The following PGAP1 variants were observed in gnomAD, a reference collection of about 807,000 sequenced individuals.
PGAP1 encodes post-GPI attachment to proteins inositol deacylase 1, also known as GPI inositol-deacylase.
Under a neutral mutation model 127.0 loss-of-function variants are expected in PGAP1, and 76 were observed. That is an observed-to-expected ratio of 0.60 (90% CI 0.50 to 0.72). PGAP1 has a LOEUF of 0.72. Ranked by LOEUF, PGAP1 falls within the 30% of genes least tolerant of loss-of-function variation. The probability of loss-of-function intolerance (pLI) is 0.00; values close to 1 mark genes in which losing one functional copy is unlikely to be tolerated. For missense variants in PGAP1, 982 were observed against 1,071.3 expected (o/e 0.92, Z 1.16); for synonymous variants, 362 against 366.5 (o/e 0.99, Z 0.14).
Position 196,838,583 on chromosome 2 carries a change from C to T in PGAP1, c.*2651G>A, listed in dbSNP as rs895922592. On this transcript the variant is annotated 3_prime_UTR_variant, in exon 27 of 27. Coordinates refer to ENST00000354764, the MANE Select transcript of PGAP1 (RefSeq NM_024989.4). Reference sequence around the variant, plus strand: ...GTCTGTATATATACACATATAATGGCTAAAGACCCAACCTACTATTGATTA... The same window carrying T: ...GTCTGTATATATACACATATAATGGTTAAAGACCCAACCTACTATTGATTA... 1 of 152,158 alleles carries T rather than the reference C, an allele frequency of 6.6e-6. No individual in the cohort carries two copies. The highest frequency in any genetic ancestry group is 1.5e-5 in the Non-Finnish European group (1 of 68,042). The allele number at this position is 152,158 out of a possible 1,614,324, so 9.4% of individuals were successfully genotyped here.
intron 3 of PGAP1, among the ~76,000 whole-genome samples, 156 bp downstream of exon 3, chr2:196,916,262 C>T (rs1023048739): frequency 7.9e-5 from 12 of 152,130 alleles, no homozygotes; most frequent in African/African-American, 2.7e-4. Flanking sequence ...AAAACCATTA[C>T]GGAGGCCAAG....
chr2:196,844,676 A>C (rs940134383), intron 23 of PGAP1, 102 bp from the exon 24 acceptor site: 9 of 760,288 alleles, frequency 1.2e-5, no homozygotes, highest in Admixed American at 3.5e-5. Flanking sequence ...TGAAATGTTT[A>C]AAATGTAAAC....
In PGAP1 at chr2:196,867,556, A is replaced by G. The variant is rs116839789; in HGVS notation, c.1768-2476T>C. Among the ~76,000 whole-genome samples the G allele has an allele frequency of 5.1e-3, 778 of 152,278 alleles. 3 individuals are homozygous for G. The highest frequency in any genetic ancestry group is 0.018 in the African/African-American group (738 of 41,548). The stretch of plus-strand genomic sequence containing the variant: ...GGGTTGATGGGTGCAGCAAACCAAC[A>G]CAGCATGTGTATACCTATGGAACAA... On this transcript the variant is annotated intron_variant, in intron 19 of 26. Transcript: ENST00000354764.
intron 4 of PGAP1, among the ~76,000 whole-genome samples, chr2:196,904,369 T>C (rs1267062684): frequency 6.6e-6 from 1 of 152,130 alleles, no homozygotes; most frequent in South Asian, 2.1e-4. Flanking sequence ...TCTACATACC[T>C]GCCCTCAGGA....
chr2:196,835,382 G>A lies in PGAP1; in HGVS notation c.*5852C>T. On this transcript the variant is annotated 3_prime_UTR_variant, in exon 27 of 27. Coordinates refer to ENST00000354764, the MANE Select transcript of PGAP1 (RefSeq NM_024989.4). The stretch of plus-strand genomic sequence containing the variant: ...ATAAATGAGACACCTGTACTAAAAT[G>A]GCTTGTACAACAATGTACATCACAA... The A allele has an allele frequency of 6.6e-6, 1 of 151,900 alleles. No homozygotes were observed. The highest frequency in any genetic ancestry group is 6.6e-5 in the Admixed American group (1 of 15,258). The allele number at this position is 151,900 out of a possible 1,614,324, so 9.4% of individuals were successfully genotyped here. A position where few individuals can be genotyped will look rare whatever the true frequency, so the allele number is the denominator to read the frequency against.
rs1700230062 is a variant in PGAP1 at position 196,836,136 on chromosome 2, T to G, written c.*5098A>C. 1.3e-5 allele frequency: 2 copies of G among 152,486 alleles called. No individual in the cohort carries two copies. Among genetic ancestry groups the G allele is most frequent in the Admixed American group, 6.6e-5 (1 of 15,260 alleles). The allele number at this position is 152,486 out of a possible 1,614,324, so 9.4% of individuals were successfully genotyped here. A position where few individuals can be genotyped will look rare whatever the true frequency, so the allele number is the denominator to read the frequency against. ...TTTTCATAAGTGTTCAAAGTTACAA[T>G]GTACAGAATGAGTACAGACAGATTC... is the stretch of plus-strand genomic sequence containing the variant. On this transcript the variant is annotated 3_prime_UTR_variant, in exon 27 of 27. Coordinates refer to ENST00000354764, the MANE Select transcript of PGAP1 (RefSeq NM_024989.4).
At chr2:196,849,227 G>T (rs997781220) in intron 20 of PGAP1, among the ~76,000 whole-genome samples, 1 of 149,990 alleles carries the variant, frequency 6.7e-6, no homozygotes, top group Non-Finnish European at 1.5e-5. Context: ...TTATACTTAA[G>T]TCTGGTTCTG....
chr2:196,873,040 T>C lies in PGAP1; in HGVS notation c.1553-14A>G, dbSNP rs771027103. On this transcript the variant is annotated splice_polypyrimidine_tract_variant and intron_variant, in intron 16 of 26. Transcript: ENST00000354764. ...TGGTTATTTCTTCTGTTAAAACATT[T>C]AAAAAATGTATTATTAACAACATGT... 1.3e-6 allele frequency: 1 copy of C among 741,680 alleles called. No individual in the cohort carries two copies. Among genetic ancestry groups the C allele is most frequent in the Admixed American group, 2.7e-5 (1 of 37,088 alleles). The allele number at this position is 741,680 out of a possible 1,614,324, so 45.9% of individuals were successfully genotyped here.
In PGAP1 at chr2:196,916,428, T is replaced by A; in HGVS notation, c.467A>T (p.Lys156Ile). ...FVHECIKTIL[K>I]LYKGQEFAPK... The stretch of plus-strand genomic sequence containing the variant: ...ATACTTATCTCTCACCTTATAGAGT[T>A]TGAGAATTGTTTTAATACATTCATG... Residue 156 changes from lysine (K) to isoleucine (I), a missense_variant, in exon 3 of 27, where the codon AAA becomes ATA. Transcript: ENST00000354764. 1 of 1,608,368 alleles carries A rather than the reference T, an allele frequency of 6.2e-7. No homozygotes were observed. Among genetic ancestry groups the A allele is most frequent in the Non-Finnish European group, 8.5e-7 (1 of 1,177,918 alleles).
rs941434318 is a variant in PGAP1 at position 196,926,626 on chromosome 2, A to G, written c.-10T>C. The G allele has an allele frequency of 1.1e-5, 17 of 1,612,868 alleles. No individual in the cohort carries two copies. Among genetic ancestry groups the G allele is most frequent in the Non-Finnish European group, 1.4e-5 (16 of 1,179,718 alleles). On this transcript the variant is annotated 5_prime_UTR_variant, in exon 1 of 27. Transcript: ENST00000354764. ...CTGAGTGAAGAAACATGGTGCCGCC[A>G]CCACCGCCGCCGCCGCCGCCGCCCC...
In PGAP1 at chr2:196,860,257, C is replaced by T. The variant is rs191333388; in HGVS notation, c.1861+4730G>A. On this transcript the variant is annotated intron_variant, in intron 20 of 26. Coordinates refer to ENST00000354764, the MANE Select transcript of PGAP1 (RefSeq NM_024989.4). The stretch of plus-strand genomic sequence containing the variant: ...TGAAAAAGAAATCAAGAGGGCTGGG[C>T]GCAGTGGCTCATGCCTGTAATCCCA... Among the ~76,000 whole-genome samples the T allele has an allele frequency of 1.2e-4, 19 of 152,196 alleles. No individual in the cohort carries two copies. The South Asian group carries it at 2.7e-3, about 22-fold the overall frequency.
At position 196,833,202 on chromosome 2, in the gene PGAP1, C is replaced by T. The variant is rs192956669; in HGVS notation, c.*8032G>A. 8.1e-3 allele frequency: 1,231 copies of T among 152,526 alleles called. 7 individuals carry two copies. Among genetic ancestry groups the T allele is most frequent in the Non-Finnish European group, 0.011 (767 of 67,996 alleles). 9.4% of individuals were successfully genotyped at this position (152,526 alleles called of 1,614,324 possible). ...ACTCTACAGAATATAGTAAGTAGTA[C>T]TTTTTGTGAATTACAATCACATAAA... is the stretch of plus-strand genomic sequence containing the variant. On this transcript the variant is annotated 3_prime_UTR_variant, in exon 27 of 27. Transcript: ENST00000354764.
At chr2:196,891,688 T>C (rs1702104705) in intron 9 of PGAP1, among the ~76,000 whole-genome samples, 1 of 152,102 alleles carries the variant, frequency 6.6e-6, no homozygotes, top group Non-Finnish European at 1.5e-5. Flanking sequence ...ATAAATTTAG[T>C]AGATAAGCAG....
intron 21 of PGAP1, 159 bp downstream of exon 21, chr2:196,847,788 A>G (rs2125779321): frequency 2.0e-6 from 1 of 488,354 alleles, no homozygotes; most frequent in Admixed American, 4.0e-5. Flanking sequence ...AGACATTGAT[A>G]TACTTATTAG....
At chr2:196,917,515 C>T (rs1428778009) in intron 2 of PGAP1, among the ~76,000 whole-genome samples, 1 of 152,164 alleles carries the variant, frequency 6.6e-6, no homozygotes, top group Non-Finnish European at 1.5e-5. Flanking sequence ...TTTCTTCACT[C>T]CTCCCAAATC....
rs559685656 is a variant in PGAP1 at position 196,881,613 on chromosome 2, T to C, written c.1273-1460A>G. ...GTGGTTTTGATTTGCATTTCTCTAA[T>C]GGTCAGTGATGTTGAGCTATTTTTC... On this transcript the variant is annotated intron_variant, in intron 12 of 26. Coordinates refer to ENST00000354764, the MANE Select transcript of PGAP1 (RefSeq NM_024989.4). Among the ~76,000 whole-genome samples, 5 of 152,376 alleles carry C rather than the reference T, an allele frequency of 3.3e-5. No homozygotes were observed. The East Asian group carries it at 5.8e-4, about 18-fold the overall frequency.
intron 4 of PGAP1, among the ~76,000 whole-genome samples, chr2:196,911,156 C>A (rs1394789755): frequency 2.5e-4 from 1 of 3,928 alleles, no homozygotes; most frequent in Non-Finnish European, 4.0e-4. Context: ...CACATGCACA[C>A]GTATGTTTAT....
At chr2:196,924,366 T>C (rs971252356) in intron 1 of PGAP1, among the ~76,000 whole-genome samples, 3 of 152,190 alleles carry the variant, frequency 2.0e-5, no homozygotes, top group Non-Finnish European at 4.4e-5. Context: ...AAGTAAGCAA[T>C]ATGTAAAATA....
At chr2:196,923,275 C>T (rs1270860023) in intron 1 of PGAP1, among the ~76,000 whole-genome samples, 1 of 151,966 alleles carries the variant, frequency 6.6e-6, no homozygotes, top group African/African-American at 2.4e-5. Context: ...AGCGCATTAC[C>T]ACCTTCACAT....
Sources: allele counts gnomAD v4.1 joint callset (sites outside exome capture counted in the v4.1 genomes callset), GRCh38; gene constraint gnomAD v4.1.1; transcripts MANE v1.5; gene names NCBI Gene and HGNC (gene_info 2026-07-23, HGNC 2026-07-21).